ANKHD1: variants seen among roughly 807,000 people sequenced by gnomAD.
ANKHD1 encodes the protein ankyrin repeat and KH domain-containing protein 1.
ANKHD1 carries 31 observed loss-of-function variants against 230.5 expected under a neutral mutation model. The observed-to-expected ratio is 0.13, with a 90% CI of 0.10 to 0.18. The LOEUF is 0.18. ANKHD1 is among the 10% of genes least tolerant of loss of function. The pLI is 1.00. For synonymous variants in ANKHD1, 1,074 were observed against 1,117.6 expected, an observed-to-expected ratio of 0.96 and a Z score of 0.78; for missense variants, 2,256 against 3,071.3, an observed-to-expected ratio of 0.73 and a Z score of 6.27.
At chr5:140,424,981 C>T (rs1282500349) in intron 1 of ANKHD1, among the ~76,000 whole-genome samples, 2 of 152,120 alleles carry the variant, frequency 1.3e-5, no homozygotes, top group Non-Finnish European at 2.9e-5. Context: ...AAGGCTGATA[C>T]ATATGAGACA....
intron 10 of ANKHD1, among the ~76,000 whole-genome samples, chr5:140,475,951 A>C (rs966844373): frequency 1.2e-4 from 19 of 152,214 alleles, no homozygotes; most frequent in Admixed American, 1.2e-3. Context: ...AATTGAAATA[A>C]ACTTTAATCT....
Position 140,527,248 on chromosome 5 carries a change from A to G in ANKHD1, c.5087+174A>G, listed in dbSNP as rs1753645221. On this transcript the variant is annotated intron_variant, in intron 27 of 33. Transcript: ENST00000360839. This position sits in a 1 kb window ranked among gnomAD's most constrained non-coding sequence, Gnocchi z 4.5. ...ATTAGAAGCAGTATGTAAATTTTGC[A>G]TGCATATTTTATATGACACAAGAAA... 1.8e-6 allele frequency: 2 copies of G among 1,093,658 alleles called. No individual in the cohort carries two copies. The highest frequency in any genetic ancestry group is 2.6e-5 in the South Asian group (1 of 38,262). The allele number at this position is 1,093,658 out of a possible 1,614,324, so 67.7% of individuals were successfully genotyped here.
At chr5:140,482,439 G>A in intron 10 of ANKHD1, 141 bp from the exon 11 acceptor site, 1 of 842,662 alleles carries the variant, frequency 1.2e-6, no homozygotes, top group Non-Finnish European at 1.7e-6. Flanking sequence ...TATAATGGGG[G>A]AATTGAGGTA....
chr5:140,500,664 A>AG (rs1407326168), intron 15 of ANKHD1, among the ~76,000 whole-genome samples: 2,137 of 148,592 alleles, frequency 0.014, 40 homozygotes, highest in African/African-American at 0.05. Flanking sequence ...AAAAAAAAAA[A>AG]AAAAAGAAAA....
In ANKHD1 at chr5:140,485,252, G is replaced by A. The variant is rs747732198; in HGVS notation, c.1998+4G>A. On this transcript the variant is annotated splice_donor_region_variant and intron_variant, in intron 12 of 33. Coordinates refer to ENST00000360839, the MANE Select transcript of ANKHD1 (RefSeq NM_017747.3). This position sits in a 1 kb window ranked among gnomAD's most constrained non-coding sequence, Gnocchi z 4.8. Reference sequence around the variant, plus strand: ...TGACCCTACTCATCGACTCAAGGTAGTCTACTTAAAAATAAGTAAACAGGC... The same window carrying A: ...TGACCCTACTCATCGACTCAAGGTAATCTACTTAAAAATAAGTAAACAGGC... 1 of 1,608,400 alleles carries A rather than the reference G, an allele frequency of 6.2e-7. No individual in the cohort carries two copies.
intron 5 of ANKHD1, among the ~76,000 whole-genome samples, chr5:140,445,453 A>C (rs1176761577): frequency 6.6e-6 from 1 of 152,130 alleles, no homozygotes; most frequent in Non-Finnish European, 1.5e-5. Flanking sequence ...GTAGTGAGCC[A>C]AGATCGTGCC....
chr5:140,418,237 C>A (rs568115512), intron 1 of ANKHD1, among the ~76,000 whole-genome samples: 1 of 151,708 alleles, frequency 6.6e-6, no homozygotes, highest in Admixed American at 6.6e-5. Flanking sequence ...GCCTCAACCT[C>A]CCCAGGCTCA....
chr5:140,519,669 C>A (rs1319117031), intron 24 of ANKHD1, among the ~76,000 whole-genome samples: 1 of 152,124 alleles, frequency 6.6e-6, no homozygotes, highest in African/African-American at 2.4e-5. Context: ...GAAAAACAAG[C>A]AATGGGGAAA....
At chr5:140,522,437 C>A (rs527415252) in intron 24 of ANKHD1, among the ~76,000 whole-genome samples, 3 of 152,138 alleles carry the variant, frequency 2.0e-5, no homozygotes, top group South Asian at 4.1e-4. Context: ...TGTAAGCAAC[C>A]TTTTCTTCTC....
intron 24 of ANKHD1, among the ~76,000 whole-genome samples, chr5:140,520,734 A>T (rs1269205994): frequency 7.1e-6 from 1 of 139,996 alleles, no homozygotes; most frequent in Non-Finnish European, 1.5e-5. Context: ...AACAATGAGA[A>T]CACATGGACA....
In ANKHD1 at chr5:140,485,027, A is replaced by T; in HGVS notation, c.1871-94A>T. 6.8e-7 allele frequency: 1 copy of T among 1,474,038 alleles called. No individual in the cohort carries two copies. Among genetic ancestry groups the T allele is most frequent in the Admixed American group, 2.2e-5 (1 of 46,318 alleles). The allele number at this position is 1,474,038 out of a possible 1,614,324, so 91.3% of individuals were successfully genotyped here. A position where few individuals can be genotyped will look rare whatever the true frequency, so the allele number is the denominator to read the frequency against. ...ATGATTTGTATATTTTTTTGTATCT[A>T]CATTATACTTCACAAAAAATTTTTA... is the stretch of plus-strand genomic sequence containing the variant. On this transcript the variant is annotated intron_variant, in intron 11 of 33. Coordinates refer to ENST00000360839, the MANE Select transcript of ANKHD1 (RefSeq NM_017747.3). This position sits in a 1 kb window ranked among gnomAD's most constrained non-coding sequence, Gnocchi z 4.8.
At chr5:140,478,806 A>G (rs1208381125) in intron 10 of ANKHD1, among the ~76,000 whole-genome samples, 1 of 151,148 alleles carries the variant, frequency 6.6e-6, no homozygotes, top group Admixed American at 6.6e-5. Context: ...CACCTTGCCC[A>G]GCTAATTTTG....
intron 1 of ANKHD1, among the ~76,000 whole-genome samples, chr5:140,406,095 G>A (rs928835453): frequency 6.6e-6 from 1 of 151,992 alleles, no homozygotes; most frequent in Non-Finnish European, 1.5e-5. Flanking sequence ...AAAATTAGCC[G>A]GGCTTGGTGG....
chr5:140,479,726 ACAT>A (rs1751166391), intron 10 of ANKHD1, among the ~76,000 whole-genome samples: 1 of 91,016 alleles, frequency 1.1e-5, no homozygotes, highest in Non-Finnish European at 2.5e-5. Context: ...TTATATACAT[ACAT>A]AGGTATATAT....
chr5:140,469,793 C>A (rs1776361838), intron 10 of ANKHD1, among the ~76,000 whole-genome samples: 1 of 151,222 alleles, frequency 6.6e-6, no homozygotes, highest in African/African-American at 2.4e-5. Flanking sequence ...GACCCTATTT[C>A]TCATAGTTAT....
rs967450753 is a variant in ANKHD1, at chr5:140,435,539, C to T, written c.307-565C>T. ...ATTACAGGCACCACCTCACCACGCC[C>T]GGCTAATTTTTATATTTTTAGTAGA... On this transcript the variant is annotated intron_variant, in intron 1 of 33. Transcript: ENST00000360839. 2.6e-5 allele frequency among the ~76,000 whole-genome samples: 4 copies of T among 151,836 alleles called. No individual in the cohort carries two copies. The East Asian group carries it at 5.8e-4, about 22-fold the overall frequency.
chr5:140,515,307 A>C (rs980086600), intron 24 of ANKHD1, among the ~76,000 whole-genome samples: 4 of 152,162 alleles, frequency 2.6e-5, no homozygotes, highest in African/African-American at 9.7e-5. Context: ...CCATTTTACC[A>C]AATGACATCA....
chr5:140,407,701 T>C (rs1361732231), intron 1 of ANKHD1, among the ~76,000 whole-genome samples: 1 of 152,172 alleles, frequency 6.6e-6, no homozygotes, highest in Non-Finnish European at 1.5e-5. Flanking sequence ...GAAAAACCAA[T>C]TTTTAAATTT....
chr5:140,439,580 G>A (rs1394893919), intron 3 of ANKHD1, among the ~76,000 whole-genome samples: 1 of 152,146 alleles, frequency 6.6e-6, no homozygotes, highest in Non-Finnish European at 1.5e-5. Context: ...TAAGACACAA[G>A]AATCACTTGA....
Sources: gnomAD v4.1 joint callset for allele counts (sites outside exome capture counted in the v4.1 genomes callset) on GRCh38, gnomAD v4.1.1 for gene constraint, Gnocchi (gnomAD v3.1) non-coding constraint, MANE v1.5 for transcripts, NCBI Gene and HGNC (gene_info 2026-07-23, HGNC 2026-07-21) for gene names.